Variants in C13orf46 observed in about 807,000 individuals in gnomAD.
C13orf46 encodes chromosome 13 open reading frame 46, also known as uncharacterized protein C13orf46.
At position 113,955,312 on chromosome 13, in the gene C13orf46, G is replaced by GTA. The variant is rs2052516676; in HGVS notation, c.*1460_*1461insTA. On this transcript the variant is annotated 3_prime_UTR_variant, in exon 7 of 7. Transcript: ENST00000636427. ...GGAGAGGAGTAGTATCTGGCAGAGA[G>GTA]GAGTAGTATCTGGTGGAGAGGAGGA... 39 of 167,114 alleles carry GTA rather than the reference G, an allele frequency of 2.3e-4. No individual in the cohort carries two copies. The highest frequency in any genetic ancestry group is 4.3e-4 in the Non-Finnish European group (35 of 80,578). The allele number at this position is 167,114 out of a possible 1,614,324, so 10.4% of individuals were successfully genotyped here.
intron 5 of C13orf46, among the ~76,000 whole-genome samples, chr13:113,966,090 TTAATGATGGTGATGA>T (rs2052641487): frequency 1.8e-5 from 2 of 108,854 alleles, no homozygotes; most frequent in Non-Finnish European, 3.6e-5. Flanking sequence ...GATGATGGTA[TTAATGATGGTGATGA>T]TGATGATGGT....
the C13orf46 span, among the ~76,000 whole-genome samples, chr13:113,942,282 G>A: frequency 6.6e-6 from 1 of 152,220 alleles, no homozygotes; most frequent in Non-Finnish European, 1.5e-5. Context: ...TTCCCTGCAG[G>A]AGAACCTCGA....
At chr13:113,946,837 C>T in the C13orf46 span, among the ~76,000 whole-genome samples, 1 of 152,390 alleles carries the variant, frequency 6.6e-6, no homozygotes, top group South Asian at 2.1e-4. Flanking sequence ...GAGGGTCTCA[C>T]AGTTGGGGAA....
At chr13:113,930,212 G>C in the C13orf46 span, among the ~76,000 whole-genome samples, 2 of 152,228 alleles carry the variant, frequency 1.3e-5, no homozygotes, top group Admixed American at 1.3e-4. Context: ...GCGCAGTCCA[G>C]ATGCTTCTCT....
intron 6 of C13orf46, among the ~76,000 whole-genome samples, chr13:113,957,138 T>TG (rs1381162686): frequency 6.9e-6 from 1 of 144,072 alleles, no homozygotes; most frequent in Non-Finnish European, 1.5e-5. Context: ...TCAAGCACAC[T>TG]GGGGGGTCTC....
downstream of C13orf46, among the ~76,000 whole-genome samples, chr13:113,951,473 C>T (rs1047422507): frequency 2.6e-5 from 4 of 152,200 alleles, no homozygotes; most frequent in African/African-American, 7.2e-5. Context: ...CACCACTCCC[C>T]CCCGCCGCCA....
downstream of C13orf46, among the ~76,000 whole-genome samples, chr13:113,949,410 T>C: frequency 6.6e-6 from 1 of 152,278 alleles, no homozygotes; most frequent in East Asian, 1.9e-4. Context: ...GGGCAGAGTC[T>C]TGTGGGACAG....
the C13orf46 span, among the ~76,000 whole-genome samples, chr13:113,940,399 G>A: frequency 1.4e-3 from 220 of 152,374 alleles, 1 homozygote; most frequent in African/African-American, 5.0e-3. Flanking sequence ...GACAGAAGAC[G>A]CAGGTGCTGG....
intron 6 of C13orf46, among the ~76,000 whole-genome samples, chr13:113,958,803 G>C (rs998697597): frequency 6.6e-6 from 1 of 152,162 alleles, no homozygotes; most frequent in African/African-American, 2.4e-5. Context: ...CTGGCACCTT[G>C]ACCCCAGCAC....
At chr13:113,935,167 G>T in the C13orf46 span, among the ~76,000 whole-genome samples, 635 of 152,322 alleles carry the variant, frequency 4.2e-3, 10 homozygotes, top group East Asian at 0.049. Flanking sequence ...GAGAGGGCCT[G>T]GGCTGGCCGC....
chr13:113,970,359 C>T (rs903933614), intron 1 of C13orf46, 137 bp from the exon 2 acceptor site: 14 of 152,512 alleles, frequency 9.2e-5, no homozygotes, highest in African/African-American at 2.9e-4. Flanking sequence ...AGTTTCTCCC[C>T]GACCTGTGCC....
chr13:113,934,704 C>T, the C13orf46 span, among the ~76,000 whole-genome samples: 8 of 152,260 alleles, frequency 5.3e-5, no homozygotes, highest in Non-Finnish European at 8.8e-5. Flanking sequence ...CTGGGCCCCA[C>T]TGCTGGGCTC....
the C13orf46 span, among the ~76,000 whole-genome samples, chr13:113,941,629 G>A: frequency 3.9e-5 from 6 of 152,228 alleles, no homozygotes; most frequent in Non-Finnish European, 8.8e-5. Flanking sequence ...TGTTGACATC[G>A]TTTCCCAGGC....
chr13:113,964,093 C>A (rs1400388313), intron 6 of C13orf46, among the ~76,000 whole-genome samples: 1 of 152,162 alleles, frequency 6.6e-6, no homozygotes, highest in African/African-American at 2.4e-5. Flanking sequence ...TCATGATCTG[C>A]CCACCTCAAC....
Position 113,971,152 on chromosome 13 carries a change from C to T in C13orf46, c.191-930G>A, listed in dbSNP as rs907719775. 3.2e-4 allele frequency among the ~76,000 whole-genome samples: 48 copies of T among 152,202 alleles called. 2 individuals are homozygous for T. The highest frequency in any genetic ancestry group is 1.9e-3 in the South Asian group (9 of 4,830). ...GCCGCATCGGAGCCGGGAATGTTTG[C>T]GGAGACCCTGGCTTCCCGCAGCTAC... On this transcript the variant is annotated intron_variant, in intron 1 of 6. Coordinates refer to ENST00000636427, the MANE Select transcript of C13orf46 (RefSeq NM_001365455.2).
At chr13:113,932,113 G>A in the C13orf46 span, among the ~76,000 whole-genome samples, 1 of 152,206 alleles carries the variant, frequency 6.6e-6, no homozygotes, top group Non-Finnish European at 1.5e-5. Flanking sequence ...CAATGCTGGG[G>A]AGCACTAGTT....
Position 113,955,205 on chromosome 13 carries a change from GAGACGA to G in C13orf46, c.*1562_*1567del. ...TGGTGGAGAGGAGGAGCATCCCGTG[GAGACGA>G]GGAGCATCCCGTGGAGACGAGGAGC... On this transcript the variant is annotated 3_prime_UTR_variant, in exon 7 of 7. Transcript: ENST00000636427. 9.6e-6 allele frequency: 2 copies of G among 207,536 alleles called. No homozygotes were observed. The highest frequency in any genetic ancestry group is 5.1e-5 in the African/African-American group (2 of 39,222). The allele number at this position is 207,536 out of a possible 1,614,324, so 12.9% of individuals were successfully genotyped here. A position where few individuals can be genotyped will look rare whatever the true frequency, so the allele number is the denominator to read the frequency against.
At chr13:113,943,086 G>A in the C13orf46 span, among the ~76,000 whole-genome samples, 4 of 152,222 alleles carry the variant, frequency 2.6e-5, no homozygotes, top group Non-Finnish European at 4.4e-5. Flanking sequence ...GCCTCCCACA[G>A]GAGAGCTCGG....
At chr13:113,967,078 A>AG (rs2052657398) in intron 5 of C13orf46, among the ~76,000 whole-genome samples, 1 of 152,136 alleles carries the variant, frequency 6.6e-6, no homozygotes, top group Admixed American at 6.5e-5. Context: ...GGCACCTTGA[A>AG]GGTTAACCCA....
Sources: allele counts gnomAD v4.1 joint callset (sites outside exome capture counted in the v4.1 genomes callset), GRCh38; gene constraint gnomAD v4.1.1; transcripts MANE v1.5; gene names NCBI Gene and HGNC (gene_info 2026-07-23, HGNC 2026-07-21).